FOXP1: variants seen among roughly 807,000 people sequenced by gnomAD.
FOXP1 encodes the protein forkhead box protein P1.
Under a neutral mutation model 98.2 loss-of-function variants are expected in FOXP1, and 15 were observed. The observed-to-expected ratio is 0.15, with a 90% CI of 0.10 to 0.24. FOXP1 has a LOEUF of 0.24. Ranked by LOEUF, FOXP1 falls within the 10% of genes least tolerant of loss-of-function variation. FOXP1 has a pLI of 1.00. For synonymous variants in FOXP1, 371 were observed against 314.5 expected, an observed-to-expected ratio of 1.18 and a Z score of -1.90; for missense variants, 633 against 848.5, an observed-to-expected ratio of 0.75 and a Z score of 3.15.
chr3:71,364,510 T>C lies in FOXP1; in HGVS notation c.-167-5266A>G, dbSNP rs116150012. On this transcript the variant is annotated intron_variant, in intron 3 of 20. Coordinates refer to ENST00000649528, the MANE Select transcript of FOXP1 (RefSeq NM_001349338.3). The stretch of plus-strand genomic sequence containing the variant: ...ATTGATCCAGTTGACAGTTTCCTAG[T>C]TGAATGCCTTTTGTTGTTGCTGTTG... Among the ~76,000 whole-genome samples the C allele has an allele frequency of 9.7e-3, 1,472 of 152,334 alleles. 23 individuals carry two copies. The highest frequency in any genetic ancestry group is 0.034 in the African/African-American group (1,404 of 41,576).
chr3:71,498,136 T>C (rs1251605383), intron 2 of FOXP1, among the ~76,000 whole-genome samples: 1 of 152,134 alleles, frequency 6.6e-6, no homozygotes, highest in Non-Finnish European at 1.5e-5. Flanking sequence ...GAGAGAAGCG[T>C]GGAATGCCAC....
intron 3 of FOXP1, among the ~76,000 whole-genome samples, chr3:71,379,460 A>C (rs752829001): frequency 6.6e-6 from 1 of 152,180 alleles, no homozygotes; most frequent in African/African-American, 2.4e-5. Context: ...CAGCTCAGTT[A>C]TCTTAGGTAG....
intron 2 of FOXP1, among the ~76,000 whole-genome samples, chr3:71,517,443 G>A (rs943245486): frequency 6.6e-6 from 1 of 152,202 alleles, no homozygotes; most frequent in Non-Finnish European, 1.5e-5. Context: ...TATATTATCA[G>A]TAGTATTCTA....
chr3:71,429,429 A>G (rs1168197919), intron 3 of FOXP1, among the ~76,000 whole-genome samples: 2 of 128,864 alleles, frequency 1.6e-5, no homozygotes, highest in Admixed American at 1.9e-4. Flanking sequence ...GCCAAGAAGC[A>G]GGCAGCGAGG....
At chr3:71,225,801 C>T (rs1040788565) in intron 5 of FOXP1, among the ~76,000 whole-genome samples, 1 of 152,138 alleles carries the variant, frequency 6.6e-6, no homozygotes, top group African/African-American at 2.4e-5. Flanking sequence ...GAGACATGAA[C>T]AGAAACCCAA....
intron 11 of FOXP1, among the ~76,000 whole-genome samples, chr3:71,029,698 A>G (rs2046610251): frequency 6.6e-6 from 1 of 152,076 alleles, no homozygotes; most frequent in Admixed American, 6.6e-5. Context: ...GCCCATTTTT[A>G]ACAAGTCATG....
intron 11 of FOXP1, among the ~76,000 whole-genome samples, chr3:71,032,019 G>A (rs1451530839): frequency 1.3e-5 from 2 of 152,248 alleles, no homozygotes; most frequent in Non-Finnish European, 2.9e-5. Context: ...TCTTGGTTGA[G>A]AGAGTACATG....
intron 3 of FOXP1, among the ~76,000 whole-genome samples, chr3:71,433,598 A>G (rs1248634284): frequency 6.6e-6 from 1 of 152,224 alleles, no homozygotes; most frequent in East Asian, 1.9e-4. Context: ...AATCCACATT[A>G]AAAACGTGCA....
intron 2 of FOXP1, among the ~76,000 whole-genome samples, chr3:71,508,973 T>C (rs527570649): frequency 1.4e-4 from 22 of 152,332 alleles, no homozygotes; most frequent in Admixed American, 1.2e-3. Context: ...CACTGAGCTC[T>C]GCATTCAGCC....
At chr3:71,569,641 A>T (rs1414289772) in intron 2 of FOXP1, among the ~76,000 whole-genome samples, 3 of 152,206 alleles carry the variant, frequency 2.0e-5, no homozygotes, top group African/African-American at 7.2e-5. Context: ...ATATATATAC[A>T]TATACACACA....
chr3:71,391,668 C>G (rs115080424), intron 3 of FOXP1, among the ~76,000 whole-genome samples: 73 of 152,342 alleles, frequency 4.8e-4, no homozygotes, highest in African/African-American at 1.6e-3. Flanking sequence ...CATGAATGAA[C>G]GGATTGCCCA....
intron 14 of FOXP1, 71 bp from the exon 15 acceptor site, chr3:70,978,100 G>GGAGT: frequency 2.3e-6 from 3 of 1,301,602 alleles, no homozygotes; most frequent in Non-Finnish European, 3.3e-6. Flanking sequence ...ACATCTAGCA[G>GGAGT]GAGTAACACA....
intron 11 of FOXP1, among the ~76,000 whole-genome samples, chr3:71,026,194 C>T (rs534458951): frequency 6.2e-4 from 94 of 152,290 alleles, no homozygotes; most frequent in Non-Finnish European, 1.1e-3. Context: ...GTGTCTCCAA[C>T]TTCTGATTTC....
At position 71,113,910 on chromosome 3, in the gene FOXP1, A is replaced by G. The variant is rs376494867; in HGVS notation, c.181-1273T>C. Among the ~76,000 whole-genome samples the G allele has an allele frequency of 2.6e-5, 4 of 152,270 alleles. No homozygotes were observed. The East Asian group carries it at 7.7e-4, about 29-fold the overall frequency. On this transcript the variant is annotated intron_variant, in intron 6 of 20. Coordinates refer to ENST00000649528, the MANE Select transcript of FOXP1 (RefSeq NM_001349338.3). ...AGCAACAGAAAACTGAAGTTTGAGG[A>G]TATCATGCTAGAAAGTCATATGAAA...
chr3:71,286,478 A>T (rs2072153606), intron 5 of FOXP1, among the ~76,000 whole-genome samples: 1 of 152,222 alleles, frequency 6.6e-6, no homozygotes, highest in African/African-American at 2.4e-5. Context: ...TTAATTTTAC[A>T]GAGTTAATCT....
chr3:71,266,775 G>A (rs1488195510), intron 5 of FOXP1, among the ~76,000 whole-genome samples: 2 of 152,042 alleles, frequency 1.3e-5, no homozygotes, highest in East Asian at 1.9e-4. Context: ...CTTTATGTTC[G>A]TGTGTACCCA....
intron 2 of FOXP1, among the ~76,000 whole-genome samples, chr3:71,559,833 G>A (rs1428881886): frequency 6.6e-6 from 1 of 151,932 alleles, no homozygotes; most frequent in African/African-American, 2.4e-5. Flanking sequence ...GGTGACAGAA[G>A]GAAACCTTGT....
Position 71,180,478 on chromosome 3 carries a change from G to GA in FOXP1, c.180+17723dup, listed in dbSNP as rs913532489. Among the ~76,000 whole-genome samples, 237 of 150,658 alleles carry GA rather than the reference G, an allele frequency of 1.6e-3. 2 individuals carry two copies. Among genetic ancestry groups the GA allele is most frequent in the African/African-American group, 5.4e-3 (224 of 41,108 alleles). On this transcript the variant is annotated intron_variant, in intron 6 of 20. Transcript: ENST00000649528. Reference sequence around the variant, plus strand: ...AAATGCAGGCACAAGAATTTAGCAAGAAAAAAAAATAGACATGCCAATAAA... The same window carrying GA: ...AAATGCAGGCACAAGAATTTAGCAAGAAAAAAAAAATAGACATGCCAATAAA...
chr3:71,071,525 T>C (rs1318458054), intron 7 of FOXP1, among the ~76,000 whole-genome samples: 1 of 152,230 alleles, frequency 6.6e-6, no homozygotes, highest in Non-Finnish European at 1.5e-5. Context: ...TCTCTGCGCC[T>C]GCACATTTCA....
Sources: allele counts gnomAD v4.1 joint callset (sites outside exome capture counted in the v4.1 genomes callset), GRCh38; gene constraint gnomAD v4.1.1; transcripts MANE v1.5; gene names NCBI Gene and HGNC (gene_info 2026-07-23, HGNC 2026-07-21).